NAE1: variants seen among roughly 807,000 people sequenced by gnomAD.
NAE1 encodes the protein NEDD8 activating enzyme E1 subunit 1.
Under a neutral mutation model 88.0 loss-of-function variants are expected in NAE1, and 59 were observed. That is an observed-to-expected ratio of 0.67 (90% CI 0.54 to 0.83). The LOEUF is 0.83. NAE1 is among the 40% of genes least tolerant of loss of function. NAE1 has a pLI of 0.00. For missense variants in NAE1, 554 were observed against 632.8 expected (o/e 0.88, Z 1.34); for synonymous variants, 186 against 208.9 (o/e 0.89, Z 0.95).
chr16:66,805,649 AAAG>A, intron 19 of NAE1, 125 bp downstream of exon 19: 20 of 838,022 alleles, frequency 2.4e-5, no homozygotes, highest in Non-Finnish European at 3.1e-5. Context: ...AAAAAAAAAA[AAAG>A]AAAGAAATAT....
intron 7 of NAE1, among the ~76,000 whole-genome samples, chr16:66,821,100 AGGTG>A (rs1240325017): frequency 2.0e-5 from 3 of 152,120 alleles, no homozygotes; most frequent in Non-Finnish European, 4.4e-5. Flanking sequence ...GAGTGGGGAA[AGGTG>A]GTGTAACTTC....
intron 3 of NAE1, 64 bp downstream of exon 3, chr16:66,826,459 G>T: frequency 6.8e-7 from 1 of 1,474,698 alleles, no homozygotes. Context: ...GACTGAGGAG[G>T]TGAAGCTAAG....
At chr16:66,826,970 T>G (rs1384835115) in intron 1 of NAE1, among the ~76,000 whole-genome samples, 190 bp from the exon 2 acceptor site, 1 of 152,072 alleles carries the variant, frequency 6.6e-6, no homozygotes, top group Non-Finnish European at 1.5e-5. Context: ...CCTTGAATGG[T>G]TAGGGGAAAA....
At chr16:66,822,677 T>TA (rs1349584924) in intron 6 of NAE1, among the ~76,000 whole-genome samples, 42 of 146,948 alleles carry the variant, frequency 2.9e-4, no homozygotes, top group African/African-American at 7.8e-4. Flanking sequence ...TTTATTTATT[T>TA]TTTTTTTTTG....
chr16:66,804,061 T>C (rs1256785438), intron 19 of NAE1, among the ~76,000 whole-genome samples: 1 of 152,080 alleles, frequency 6.6e-6, no homozygotes, highest in African/African-American at 2.4e-5. Flanking sequence ...CAACTGACCA[T>C]AGGTGCTAAG....
At chr16:66,816,856 C>T in intron 10 of NAE1, 109 bp downstream of exon 10, 1 of 1,495,202 alleles carries the variant, frequency 6.7e-7, no homozygotes, top group Non-Finnish European at 8.9e-7. Flanking sequence ...AAAATAAAAG[C>T]TCATGATGCT....
At chr16:66,828,475 AGT>A (rs1960554514) in intron 1 of NAE1, among the ~76,000 whole-genome samples, 1 of 149,130 alleles carries the variant, frequency 6.7e-6, no homozygotes, top group Admixed American at 6.7e-5. Context: ...TGCGCAACAC[AGT>A]GAGACTCCGT....
chr16:66,817,312 C>A lies in NAE1; in HGVS notation c.684+113G>T, dbSNP rs750444584. ...AATTTAAAAGCATCCATTTGCCCTA[C>A]CATACAACTCCATAAGGAAAAAAAA... On this transcript the variant is annotated intron_variant, in intron 9 of 19. Coordinates refer to ENST00000290810, the MANE Select transcript of NAE1 (RefSeq NM_003905.4). 2.9e-5 allele frequency: 27 copies of A among 923,396 alleles called. No homozygotes were observed. In the Admixed American group the frequency reaches 5.6e-4, roughly 19 times the overall value. 57.2% of individuals were successfully genotyped at this position (923,396 alleles called of 1,614,324 possible).
rs754546629 is a variant in NAE1, at chr16:66,817,322, C to T, written c.684+103G>A. The stretch of plus-strand genomic sequence containing the variant: ...CATCCATTTGCCCTACCATACAACT[C>T]CATAAGGAAAAAAAATTAATCTCCC... On this transcript the variant is annotated intron_variant, in intron 9 of 19. Transcript: ENST00000290810. The T allele has an allele frequency of 8.8e-6, 9 of 1,020,196 alleles. 1 individual carries two copies. In the South Asian group the frequency reaches 1.3e-4, roughly 14 times the overall value. 63.2% of individuals were successfully genotyped at this position (1,020,196 alleles called of 1,614,324 possible).
chr16:66,820,880 A>G (rs1213794275), intron 7 of NAE1, among the ~76,000 whole-genome samples: 4 of 149,418 alleles, frequency 2.7e-5, no homozygotes, highest in Non-Finnish European at 5.9e-5. Context: ...CAGCCTGAGC[A>G]AAAGAGAGAG....
At position 66,810,749 on chromosome 16, in the gene NAE1, T is replaced by C. The variant is rs772975515; in HGVS notation, c.1058A>G (p.Asp353Gly). 1.2e-6 allele frequency: 2 copies of C among 1,614,198 alleles called. No homozygotes were observed. The highest frequency in any genetic ancestry group is 2.2e-5 in the South Asian group (2 of 91,082). ...QNVYREKAKKDAAAVGNHVAK... is the reference protein window; with the variant it reads ...QNVYREKAKKGAAAVGNHVAK... The stretch of plus-strand genomic sequence containing the variant: ...AACATGATTACCCACAGCGGCAGCA[T>C]CTTTCTTTGCTTTTTCACGGTAACT... Residue 353 changes from aspartate to glycine, a missense_variant, in exon 14 of 20, where the codon GAT (aspartate) becomes GGT (glycine). Coordinates refer to ENST00000290810, the MANE Select transcript of NAE1 (RefSeq NM_003905.4).
intron 1 of NAE1, chr16:66,827,456 CTA>C (rs1960507986): frequency 6.5e-6 from 1 of 152,954 alleles, no homozygotes; most frequent in Non-Finnish European, 1.5e-5. Flanking sequence ...GTAGTCCCAC[CTA>C]CTCGGAGGCT....
intron 1 of NAE1, chr16:66,828,075 C>A: frequency 6.2e-7 from 1 of 1,611,610 alleles, no homozygotes; most frequent in Non-Finnish European, 8.5e-7. Context: ...ATGGAGGAAT[C>A]GCCTAGAAGA....
At chr16:66,818,781 C>T (rs1960149916) in intron 7 of NAE1, 144 bp from the exon 8 acceptor site, 1 of 1,131,992 alleles carries the variant, frequency 8.8e-7, no homozygotes, top group Non-Finnish European at 1.2e-6. Flanking sequence ...AGGGATCCTC[C>T]CACCTCAGCC....
At chr16:66,828,366 C>T (rs1224474599) in intron 1 of NAE1, among the ~76,000 whole-genome samples, 2 of 151,952 alleles carry the variant, frequency 1.3e-5, no homozygotes, top group Non-Finnish European at 1.5e-5. Flanking sequence ...TGGCACGCAC[C>T]TATAATCCCA....
rs903938109 is a variant in NAE1, at chr16:66,818,519, A to T, written c.621+9T>A. On this transcript the variant is annotated intron_variant, in intron 8 of 19. Transcript: ENST00000290810. Reference sequence around the variant, plus strand: ...TATCTGTAAATGTAAGGTCACACACACTACCAACCTTTTTTTCCATATGAT... The same window carrying T: ...TATCTGTAAATGTAAGGTCACACACTCTACCAACCTTTTTTTCCATATGAT... The T allele has an allele frequency of 3.7e-6, 6 of 1,602,512 alleles. No individual in the cohort carries two copies. The highest frequency in any genetic ancestry group is 1.7e-5 in the Admixed American group (1 of 57,690).
rs569000614 is a variant in NAE1, at chr16:66,821,520, C to G, written c.441G>C (p.Gln147His). The G allele has an allele frequency of 2.5e-5, 40 of 1,602,456 alleles. No individual in the cohort carries two copies. In the African/African-American group the frequency reaches 3.0e-4, roughly 12 times the overall value. Residue 147 changes from glutamine (Q) to histidine (H), a missense_variant, in exon 7 of 20, where the codon CAG (glutamine) becomes CAC (histidine). Coordinates refer to ENST00000290810, the MANE Select transcript of NAE1 (RefSeq NM_003905.4). ...ATGTCCTACAGATCAAAAGAGGAAT[C>G]TGGGAATTCCAGAGGACATCTGCTA... The part of the protein sequence containing the change: ...LRLADVLWNS[Q>H]IPLLICRTYG...
chr16:66,812,206 G>A (rs564083964), intron 13 of NAE1, among the ~76,000 whole-genome samples: 1 of 152,190 alleles, frequency 6.6e-6, no homozygotes, highest in East Asian at 1.9e-4. Flanking sequence ...GGGTTTCCTG[G>A]GGTTCAAATC....
chr16:66,830,791 G>C, intron 1 of NAE1, 56 bp downstream of exon 1: 1 of 1,484,314 alleles, frequency 6.7e-7, no homozygotes. Flanking sequence ...CTTAGGCCCG[G>C]CCCGAATGCT....
Sources: allele counts gnomAD v4.1 joint callset (sites outside exome capture counted in the v4.1 genomes callset), GRCh38; gene constraint gnomAD v4.1.1; transcripts MANE v1.5; gene names NCBI Gene and HGNC (gene_info 2026-07-23, HGNC 2026-07-21).